Variants in PTPN3 observed in about 807,000 individuals in gnomAD.
The protein encoded by PTPN3 is protein tyrosine phosphatase non-receptor type 3, also known as tyrosine-protein phosphatase non-receptor type 3.
PTPN3 carries 96 observed loss-of-function variants against 132.7 expected under a neutral mutation model. That is an observed-to-expected ratio of 0.72 (90% CI 0.61 to 0.86). The LOEUF is 0.86. Among genes scored for constraint, PTPN3 ranks in the 40% least tolerant of loss-of-function variants. The pLI is 0.00. For missense variants in PTPN3, 1,125 were observed against 1,159.6 expected (o/e 0.97, Z 0.43); for synonymous variants, 398 against 429.0 (o/e 0.93, Z 0.89).
the PTPN3 span, among the ~76,000 whole-genome samples, chr9:109,519,672 G>A: frequency 6.6e-5 from 10 of 152,158 alleles, no homozygotes; most frequent in African/African-American, 9.7e-5. Flanking sequence ...AGGCTGACCC[G>A]TGCAGGGAGG....
At chr9:109,406,828 A>G (rs555573822) in intron 17 of PTPN3, among the ~76,000 whole-genome samples, 8 of 152,244 alleles carry the variant, frequency 5.3e-5, no homozygotes, top group Non-Finnish European at 7.3e-5. Context: ...TGCTCAGAAT[A>G]TAAGTTATGA....
chr9:109,395,961 A>G (rs1442748980), intron 19 of PTPN3, among the ~76,000 whole-genome samples: 2 of 146,724 alleles, frequency 1.4e-5, no homozygotes, highest in Non-Finnish European at 3.0e-5. Flanking sequence ...GGTTAAAGTG[A>G]TTCTCCTGCC....
At chr9:109,482,720 C>T (rs1847017172) in intron 1 of PTPN3, among the ~76,000 whole-genome samples, 1 of 152,186 alleles carries the variant, frequency 6.6e-6, no homozygotes, top group Admixed American at 6.5e-5. Flanking sequence ...ACCACCTCTG[C>T]AATGCTCTGG....
intron 7 of PTPN3, among the ~76,000 whole-genome samples, chr9:109,441,439 G>T (rs1360072530): frequency 3.3e-5 from 5 of 152,178 alleles, no homozygotes; most frequent in Non-Finnish European, 4.4e-5. Flanking sequence ...TTCCTAGGAC[G>T]TTTTCCCAGA....
At chr9:109,379,796 G>A (rs565333699) in intron 25 of PTPN3, among the ~76,000 whole-genome samples, 163 bp from the exon 26 acceptor site, 87 of 152,326 alleles carry the variant, frequency 5.7e-4, no homozygotes, top group African/African-American at 2.0e-3. Flanking sequence ...TATATGATGC[G>A]GGGAGGGGGC....
At chr9:109,533,613 C>T in the PTPN3 span, 1 of 1,522,192 alleles carries the variant, frequency 6.6e-7, no homozygotes, top group Non-Finnish European at 9.1e-7. Context: ...GGTCTATATC[C>T]CTGATATATA....
the PTPN3 span, among the ~76,000 whole-genome samples, chr9:109,510,454 A>G: frequency 6.6e-6 from 1 of 151,226 alleles, no homozygotes; most frequent in Non-Finnish European, 1.5e-5. Flanking sequence ...GCTACTCAGG[A>G]GGCTGAGGCA....
At chr9:109,497,857 G>A (rs1588518310) in intron 1 of PTPN3, among the ~76,000 whole-genome samples, 2 of 151,540 alleles carry the variant, frequency 1.3e-5, no homozygotes, top group East Asian at 3.9e-4. Flanking sequence ...GGTCGCGGCG[G>A]CACGGGGTCC....
intron 6 of PTPN3, among the ~76,000 whole-genome samples, chr9:109,447,145 C>T (rs1054816356): frequency 1.3e-5 from 2 of 152,240 alleles, no homozygotes; most frequent in Middle Eastern, 3.4e-3. Flanking sequence ...TGCCCTGATT[C>T]ACATGGAAAT....
intron 1 of PTPN3, among the ~76,000 whole-genome samples, chr9:109,478,560 G>A (rs1252061096): frequency 6.6e-6 from 1 of 152,222 alleles, no homozygotes; most frequent in East Asian, 1.9e-4. Flanking sequence ...GAAGAGCCCT[G>A]AGTTAGGGCA....
At position 109,420,529 on chromosome 9, in the gene PTPN3, A is replaced by C; in HGVS notation, c.1208T>G (p.Met403Arg). The C allele has an allele frequency of 6.2e-7, 1 of 1,613,376 alleles. No individual in the cohort carries two copies. The highest frequency in any genetic ancestry group is 8.5e-7 in the Non-Finnish European group (1 of 1,179,906). ...ATCTTCCGTTTCCGTGATGTAGGTCATTTCATTTGCAAGGTTATCTGCAGA... is the reference window on the plus strand; with the variant it reads ...ATCTTCCGTTTCCGTGATGTAGGTCCTTTCATTTGCAAGGTTATCTGCAGA... ...HSSADNLANE[M>R]TYITETEDVF... Residue 403 changes from methionine to arginine, a missense_variant, in exon 14 of 26, where the codon ATG (methionine) becomes AGG (arginine). Coordinates refer to ENST00000374541, the MANE Select transcript of PTPN3 (RefSeq NM_002829.4).
intron 1 of PTPN3, among the ~76,000 whole-genome samples, chr9:109,492,006 AG>A (rs1277827998): frequency 2.0e-5 from 3 of 152,246 alleles, no homozygotes; most frequent in Non-Finnish European, 2.9e-5. Flanking sequence ...ACAGTGGACC[AG>A]CTGCTTTCAG....
At chr9:109,409,904 T>C in intron 16 of PTPN3, 95 bp downstream of exon 16, 4 of 1,508,074 alleles carry the variant, frequency 2.7e-6, no homozygotes, top group South Asian at 2.6e-5. Flanking sequence ...CTTCCTTATG[T>C]AGCTCAGGAA....
chr9:109,485,463 G>A lies in PTPN3; in HGVS notation c.-18+12756C>T, dbSNP rs141395436. On this transcript the variant is annotated intron_variant, in intron 1 of 25. Transcript: ENST00000374541. ...GCGGAGCTTGCAGTGAGCCGAGATT[G>A]CGCCACTGCACTCCAGCCTGGGCAA... Among the ~76,000 whole-genome samples, 1,071 of 152,252 alleles carry A rather than the reference G, an allele frequency of 7.0e-3. 25 individuals are homozygous for A. The highest frequency in any genetic ancestry group is 6.4e-3 in the Non-Finnish European group (432 of 68,002).
At chr9:109,486,460 G>A (rs1286650245) in intron 1 of PTPN3, among the ~76,000 whole-genome samples, 1 of 152,132 alleles carries the variant, frequency 6.6e-6, no homozygotes. Context: ...AAGGGGAGTG[G>A]GCTGGAGAAG....
chr9:109,430,032 C>T (rs981265669), intron 10 of PTPN3, among the ~76,000 whole-genome samples: 8 of 152,144 alleles, frequency 5.3e-5, no homozygotes, highest in Admixed American at 6.5e-5. Flanking sequence ...CTATTTTCAA[C>T]GATCTGTTGG....
chr9:109,532,801 G>A, the PTPN3 span: 2 of 659,482 alleles, frequency 3.0e-6, no homozygotes, highest in Non-Finnish European at 4.3e-6. Flanking sequence ...TGACTACACC[G>A]GTTGATGATA....
the PTPN3 span, among the ~76,000 whole-genome samples, chr9:109,524,159 A>T: frequency 6.6e-6 from 1 of 152,108 alleles, no homozygotes; most frequent in Non-Finnish European, 1.5e-5. Flanking sequence ...TGGGAGGATC[A>T]CTTGAGCCCA....
chr9:109,377,398 ACACAC>A lies in PTPN3; in HGVS notation c.*2153_*2157del, dbSNP rs1838657472. On this transcript the variant is annotated 3_prime_UTR_variant, in exon 26 of 26. Transcript: ENST00000374541. ...CAACACATCAAGATCCTGTCTCTACACACACACACACACACACACACACACACACA... is the reference window on the plus strand; with the variant it reads ...CAACACATCAAGATCCTGTCTCTACAACACACACACACACACACACACACA... 9.1e-5 allele frequency: 1 copy of A among 10,954 alleles called. No homozygotes were observed. The highest frequency in any genetic ancestry group is 1.4e-3 in the Admixed American group (1 of 696). 0.7% of individuals were successfully genotyped at this position (10,954 alleles called of 1,614,324 possible). A position where few individuals can be genotyped will look rare whatever the true frequency, so the allele number is the denominator to read the frequency against.
Sources: gnomAD v4.1 joint callset for allele counts (sites outside exome capture counted in the v4.1 genomes callset) on GRCh38, gnomAD v4.1.1 for gene constraint, MANE v1.5 for transcripts, NCBI Gene and HGNC (gene_info 2026-07-23, HGNC 2026-07-21) for gene names.